Variants in SIL1 observed in about 807,000 individuals in gnomAD.
The protein encoded by SIL1 is nucleotide exchange factor SIL1.
SIL1 carries 40 observed loss-of-function variants against 49.1 expected under a neutral mutation model. That is an observed-to-expected ratio of 0.81 (90% CI 0.63 to 1.06). SIL1 has a LOEUF of 1.06. Ranked by LOEUF, SIL1 falls within the 50% of genes least tolerant of loss-of-function variation. SIL1 has a pLI of 0.00. For missense variants in SIL1, 500 were observed against 572.6 expected (o/e 0.87, Z 1.29); for synonymous variants, 253 against 250.8 (o/e 1.01, Z -0.08).
At chr5:138,981,741 A>G (rs1767528463) in intron 7 of SIL1, among the ~76,000 whole-genome samples, 1 of 152,218 alleles carries the variant, frequency 6.6e-6, no homozygotes, top group Non-Finnish European at 1.5e-5. Flanking sequence ...TCTGTCCCAG[A>G]TGCGCAAATC....
intron 5 of SIL1, among the ~76,000 whole-genome samples, chr5:139,034,113 C>T (rs1379119486): frequency 6.6e-6 from 1 of 152,042 alleles, no homozygotes; most frequent in South Asian, 2.1e-4. Flanking sequence ...CTAAAGTCAA[C>T]TTTGATATTA....
rs368253072 is a variant in SIL1 at position 139,181,286 on chromosome 5, T to C, written c.-11+16983A>G. On this transcript the variant is annotated intron_variant, in intron 1 of 9. Transcript: ENST00000394817. ...CATCTGGGTTCACCCACCATGCCTC[T>C]AGTCACAGTGCCAGAAACAGAGGCT... 2.6e-5 allele frequency among the ~76,000 whole-genome samples: 4 copies of C among 152,284 alleles called. No individual in the cohort carries two copies. In the East Asian group the frequency reaches 7.7e-4, roughly 29 times the overall value.
In SIL1 at chr5:139,127,738, C is replaced by T; in HGVS notation, c.105+1G>A. On this transcript the variant is annotated splice_donor_variant, in intron 2 of 9. Transcript: ENST00000394817. LOFTEE classifies it high-confidence loss of function. ...CTCCCATTTACAATAAAGATATTTACCAGGTTCTGATGACTGAGGCAGAAG... is the reference window on the plus strand; with the variant it reads ...CTCCCATTTACAATAAAGATATTTATCAGGTTCTGATGACTGAGGCAGAAG... The T allele has an allele frequency of 6.2e-7, 1 of 1,607,938 alleles. No individual in the cohort carries two copies. Among genetic ancestry groups the T allele is most frequent in the Non-Finnish European group, 8.5e-7 (1 of 1,177,970 alleles).
chr5:139,193,597 T>C (rs1752214011), intron 1 of SIL1, among the ~76,000 whole-genome samples: 2 of 151,858 alleles, frequency 1.3e-5, no homozygotes, highest in Non-Finnish European at 1.5e-5. Context: ...GAGTAGACAA[T>C]TAAGGGAAAA....
At position 139,001,929 on chromosome 5, in the gene SIL1, G is replaced by T. The variant is rs1042819195; in HGVS notation, c.767+19242C>A. Among the ~76,000 whole-genome samples, 5 of 151,134 alleles carry T rather than the reference G, an allele frequency of 3.3e-5. No individual in the cohort carries two copies. In the South Asian group the frequency reaches 1.0e-3, roughly 32 times the overall value. ...AAAAAAAAAAAGAATAGATACAATA[G>T]GCCAGGAGTGATGGCTCACGGCTGT... On this transcript the variant is annotated intron_variant, in intron 7 of 9. Coordinates refer to ENST00000394817, the MANE Select transcript of SIL1 (RefSeq NM_022464.5).
intron 1 of SIL1, among the ~76,000 whole-genome samples, chr5:139,134,984 G>A (rs961645835): frequency 2.6e-5 from 4 of 152,184 alleles, no homozygotes; most frequent in African/African-American, 7.2e-5. Flanking sequence ...CTGAAAGGAC[G>A]CCCCTGACAA....
chr5:139,094,600 T>TA (rs1272051922), intron 3 of SIL1, among the ~76,000 whole-genome samples: 1 of 152,228 alleles, frequency 6.6e-6, no homozygotes, highest in African/African-American at 2.4e-5. Context: ...ATTTTGGACT[T>TA]ACAGAAAACT....
chr5:139,005,369 G>A (rs193053209), intron 7 of SIL1, among the ~76,000 whole-genome samples: 94 of 150,358 alleles, frequency 6.3e-4, no homozygotes, highest in Middle Eastern at 6.9e-3. Flanking sequence ...TTATTTAAGC[G>A]TATTATTTTA....
chr5:139,128,522 G>C (rs984558939), intron 1 of SIL1, among the ~76,000 whole-genome samples: 1 of 151,960 alleles, frequency 6.6e-6, no homozygotes, highest in Non-Finnish European at 1.5e-5. Flanking sequence ...GGTGGTGTGA[G>C]CCTGTAGTCC....
chr5:139,014,452 G>C (rs764451189), intron 7 of SIL1, among the ~76,000 whole-genome samples: 1 of 151,976 alleles, frequency 6.6e-6, no homozygotes, highest in Non-Finnish European at 1.5e-5. Flanking sequence ...TTTGTGTGCT[G>C]AGAGTTATGT....
intron 1 of SIL1, among the ~76,000 whole-genome samples, chr5:139,172,358 G>A (rs1751788321): frequency 6.6e-6 from 1 of 152,212 alleles, no homozygotes; most frequent in Admixed American, 6.5e-5. Flanking sequence ...TTAGAGCCAG[G>A]CATGATGGCT....
intron 1 of SIL1, among the ~76,000 whole-genome samples, chr5:139,157,399 CCT>C (rs1751426977): frequency 2.0e-5 from 3 of 152,148 alleles, no homozygotes; most frequent in Admixed American, 2.0e-4. Flanking sequence ...CTCTCTGCCC[CCT>C]GAGAAGGACT....
chr5:139,004,301 T>G (rs1768060723), intron 7 of SIL1, among the ~76,000 whole-genome samples: 1 of 152,190 alleles, frequency 6.6e-6, no homozygotes, highest in Non-Finnish European at 1.5e-5. Flanking sequence ...GTACCTGGCC[T>G]CTGTTTTTAT....
intron 7 of SIL1, among the ~76,000 whole-genome samples, chr5:139,016,107 AC>A (rs1451975108): frequency 2.6e-5 from 4 of 152,266 alleles, no homozygotes; most frequent in African/African-American, 9.6e-5. Flanking sequence ...CTAAAAAAAA[AC>A]CTTAAAAACC....
rs1219392125 is a variant in SIL1, at chr5:139,170,967, G to T, written c.-11+27302C>A. 1.2e-3 allele frequency among the ~76,000 whole-genome samples: 173 copies of T among 145,116 alleles called. 2 individuals carry two copies. The highest frequency in any genetic ancestry group is 7.9e-3 in the Middle Eastern group (2 of 252). On this transcript the variant is annotated intron_variant, in intron 1 of 9. Transcript: ENST00000394817. ...AGGGAGGTGGGGGGGTCAGTCCCCCGCCCGGCCAGCCGCCCCGTCCGGGAG... is the reference window on the plus strand; with the variant it reads ...AGGGAGGTGGGGGGGTCAGTCCCCCTCCCGGCCAGCCGCCCCGTCCGGGAG...
At chr5:139,085,742 G>A (rs1402549503) in intron 3 of SIL1, among the ~76,000 whole-genome samples, 1 of 152,148 alleles carries the variant, frequency 6.6e-6, no homozygotes, top group Non-Finnish European at 1.5e-5. Context: ...ACCAGGGGCT[G>A]AAAACATGGG....
At chr5:139,157,416 T>C (rs1414876528) in intron 1 of SIL1, among the ~76,000 whole-genome samples, 6 of 152,150 alleles carry the variant, frequency 3.9e-5, no homozygotes, top group Non-Finnish European at 8.8e-5. Context: ...AGGACTGCTA[T>C]TCACCACTTT....
chr5:139,040,066 AG>A (rs35818626), intron 5 of SIL1, among the ~76,000 whole-genome samples: 63,459 of 152,026 alleles, frequency 0.42, 14,033 homozygotes, highest in African/African-American at 0.58. Context: ...AATATCTGAC[AG>A]TATTGTCTAT....
intron 7 of SIL1, among the ~76,000 whole-genome samples, chr5:138,994,211 AT>A (rs1450802225): frequency 6.6e-6 from 1 of 152,178 alleles, no homozygotes; most frequent in Non-Finnish European, 1.5e-5. Flanking sequence ...AAACAAAATT[AT>A]TTTTATATTA....
Sources: allele counts gnomAD v4.1 joint callset (sites outside exome capture counted in the v4.1 genomes callset), GRCh38; gene constraint gnomAD v4.1.1; transcripts MANE v1.5; gene names NCBI Gene and HGNC (gene_info 2026-07-23, HGNC 2026-07-21).